The following MBNL3 variants were observed in gnomAD, a reference collection of about 807,000 sequenced individuals.
MBNL3 encodes muscleblind-like protein 3.
Under a neutral mutation model 24.5 loss-of-function variants are expected in MBNL3, and 6 were observed. That is an observed-to-expected ratio of 0.25 (90% CI 0.13 to 0.48). The LOEUF is 0.48. Ranked by LOEUF, MBNL3 falls within the 20% of genes least tolerant of loss-of-function variation. The probability of loss-of-function intolerance (pLI) is 0.99; values close to 1 mark genes in which losing one functional copy is unlikely to be tolerated. For synonymous variants in MBNL3, 100 were observed against 101.7 expected (o/e 0.98, Z 0.10); for missense variants, 230 against 293.5 (o/e 0.78, Z 1.58).
chrX:132,408,390 C>T (rs1253455923), intron 2 of MBNL3, among the ~76,000 whole-genome samples: 1 of 108,965 alleles, frequency 9.2e-6, no homozygotes, highest in Non-Finnish European at 1.9e-5. Flanking sequence ...TTAGCATACA[C>T]AAGCGTGGAA....
chrX:132,467,333 C>T (rs1946940876), intron 1 of MBNL3, among the ~76,000 whole-genome samples: 1 of 111,880 alleles, frequency 8.9e-6, no homozygotes, highest in Admixed American at 9.5e-5. Flanking sequence ...AGTAAAAGCT[C>T]TGGAGAATTA....
At chrX:132,400,034 C>G (rs949745841) in intron 3 of MBNL3, among the ~76,000 whole-genome samples, 1 of 110,071 alleles carries the variant, frequency 9.1e-6, no homozygotes, top group African/African-American at 3.3e-5. Flanking sequence ...ATTTATCTCA[C>G]GGGAATATAT....
intron 1 of MBNL3, among the ~76,000 whole-genome samples, chrX:132,461,414 GA>G (rs1194167266): frequency 1.8e-5 from 2 of 111,466 alleles, no homozygotes; most frequent in Admixed American, 9.6e-5. Context: ...AAGATACCAT[GA>G]GTCAATAACT....
In MBNL3 at chrX:132,377,396, G is replaced by A. The variant is rs1319205777; in HGVS notation, c.*2270C>T. ...GACAACTCTTGATCTCTAATTCCACGCAACATTGTCAACAGCTGACAATGA... is the reference window on the plus strand; with the variant it reads ...GACAACTCTTGATCTCTAATTCCACACAACATTGTCAACAGCTGACAATGA... On this transcript the variant is annotated 3_prime_UTR_variant, in exon 9 of 9. Transcript: ENST00000370853. 8.9e-6 allele frequency: 1 copy of A among 111,744 alleles called. No individual in the cohort carries two copies. The highest frequency in any genetic ancestry group is 3.2e-5 in the African/African-American group (1 of 30,809). 9.2% of individuals were successfully genotyped at this position (111,744 alleles called of 1,213,427 possible).
chrX:132,389,161 A>C (rs1045716926), intron 5 of MBNL3, among the ~76,000 whole-genome samples: 2 of 112,384 alleles, frequency 1.8e-5, no homozygotes, highest in African/African-American at 6.5e-5. Context: ...CATTTAAGAC[A>C]AAAAGAATTT....
At chrX:132,414,105 T>C (rs1215180705) in intron 2 of MBNL3, among the ~76,000 whole-genome samples, 1 of 112,108 alleles carries the variant, frequency 8.9e-6, no homozygotes, top group Non-Finnish European at 1.9e-5. Context: ...GATATCTTTT[T>C]CAGTCAATCC....
chrX:132,449,939 T>C (rs1603256524), intron 1 of MBNL3, among the ~76,000 whole-genome samples: 2 of 106,955 alleles, frequency 1.9e-5, no homozygotes, highest in African/African-American at 6.8e-5. Context: ...TATGAAATTC[T>C]TGGTTGTAAA....
intron 2 of MBNL3, among the ~76,000 whole-genome samples, chrX:132,438,599 T>A (rs1935323681): frequency 9.1e-6 from 1 of 110,312 alleles, no homozygotes; most frequent in Non-Finnish European, 1.9e-5. Flanking sequence ...TATAATTTAT[T>A]GCTTCTATGT....
At position 132,379,253 on chromosome X, in the gene MBNL3, T is replaced by C. The variant is rs1934436317; in HGVS notation, c.*413A>G. ...CATCCTGAATCAACCCAATAGACTA[T>C]CTTGTAAACAAAATAGTAAGGTAAC... On this transcript the variant is annotated 3_prime_UTR_variant, in exon 9 of 9. Coordinates refer to ENST00000370853, the MANE Select transcript of MBNL3 (RefSeq NM_001386889.1). The C allele has an allele frequency of 1.5e-5, 2 of 132,345 alleles. No individual in the cohort carries two copies. Among genetic ancestry groups the C allele is most frequent in the African/African-American group, 6.4e-5 (2 of 31,038 alleles). The allele number at this position is 132,345 out of a possible 1,213,427, so 10.9% of individuals were successfully genotyped here. A position where few individuals can be genotyped will look rare whatever the true frequency, so the allele number is the denominator to read the frequency against.
chrX:132,479,462 A>G lies in MBNL3; in HGVS notation c.-704+9389T>C, dbSNP rs1947613881. On this transcript the variant is annotated intron_variant, in intron 1 of 8. Coordinates refer to ENST00000370853, the MANE Select transcript of MBNL3 (RefSeq NM_001386889.1). Reference sequence around the variant, plus strand: ...AAACTCAAAAATGTTCAAAAATTAAAATCATATTTTGAAATATATATTTTT... The same window carrying G: ...AAACTCAAAAATGTTCAAAAATTAAGATCATATTTTGAAATATATATTTTT... 1.8e-5 allele frequency among the ~76,000 whole-genome samples: 2 copies of G among 112,444 alleles called. 1 individual carries two copies. Among genetic ancestry groups the G allele is most frequent in the South Asian group, 7.3e-4 (2 of 2,749 alleles).
In MBNL3 at chrX:132,408,092, C is replaced by CTTTT. The variant is rs60044820; in HGVS notation, c.178-1704_178-1701dup. Among the ~76,000 whole-genome samples the CTTTT allele has an allele frequency of 1.4e-3, 31 of 22,570 alleles. 5 individuals carry two copies. The highest frequency in any genetic ancestry group is 3.7e-3 in the East Asian group (2 of 540). 19.6% of individuals were successfully genotyped at this position (22,570 alleles called of 115,157 possible). On this transcript the variant is annotated intron_variant, in intron 2 of 8. Transcript: ENST00000370853. The stretch of plus-strand genomic sequence containing the variant: ...CCTGACCTCTCTTCTGAATTTCAGT[C>CTTTT]TTTTTTTTTTTTTTTTTTTTTTTTT...
Position 132,464,855 on chromosome X carries a change from A to C in MBNL3, c.-704+23996T>G, listed in dbSNP as rs757418564. 2.7e-5 allele frequency among the ~76,000 whole-genome samples: 3 copies of C among 111,398 alleles called. No homozygotes were observed. The Admixed American group carries it at 2.9e-4, about 11-fold the overall frequency. On this transcript the variant is annotated intron_variant, in intron 1 of 8. Transcript: ENST00000370853. ...GGAGTTCGAGACCAGCCTGGCCAAC[A>C]TGGTTAAACCCTCATCTCTACTAAA...
intron 2 of MBNL3, among the ~76,000 whole-genome samples, chrX:132,422,026 T>C (rs1943868290): frequency 9.0e-6 from 1 of 111,644 alleles, no homozygotes; most frequent in African/African-American, 3.3e-5. Flanking sequence ...TGTTTATAAA[T>C]GTTTGAGCTA....
chrX:132,392,946 G>T (rs1236131738), intron 3 of MBNL3, among the ~76,000 whole-genome samples: 1 of 111,291 alleles, frequency 9.0e-6, no homozygotes. Context: ...GTTTAGTATG[G>T]TCCATTATAT....
At chrX:132,390,760 T>C (rs768514475) in intron 5 of MBNL3, 87 bp downstream of exon 5, 96 of 747,530 alleles carry the variant, frequency 1.3e-4, no homozygotes, top group Non-Finnish European at 1.8e-4. Flanking sequence ...TGACCATCCA[T>C]GAGTATGGTT....
At chrX:132,405,737 C>T (rs1941680902) in intron 3 of MBNL3, among the ~76,000 whole-genome samples, 1 of 108,254 alleles carries the variant, frequency 9.2e-6, no homozygotes, top group Non-Finnish European at 1.9e-5. Context: ...ATTAGCTGGG[C>T]GTGATGGCGG....
chrX:132,418,963 G>T (rs1943547039), intron 2 of MBNL3, among the ~76,000 whole-genome samples: 1 of 111,868 alleles, frequency 8.9e-6, no homozygotes, highest in Non-Finnish European at 1.9e-5. Flanking sequence ...TTGTAACGAT[G>T]GGGTTTCCCC....
intron 1 of MBNL3, among the ~76,000 whole-genome samples, chrX:132,452,351 C>T (rs1194156311): frequency 1.8e-5 from 2 of 112,361 alleles, no homozygotes; most frequent in Admixed American, 1.9e-4. Context: ...ACTTCCAATC[C>T]TATAATACTC....
At chrX:132,409,810 G>A in intron 2 of MBNL3, among the ~76,000 whole-genome samples, 1 of 111,889 alleles carries the variant, frequency 8.9e-6, no homozygotes, top group Non-Finnish European at 1.9e-5. Context: ...GAAGCGATTA[G>A]AGTGCAAGCT....
Sources: allele counts gnomAD v4.1 joint callset (sites outside exome capture counted in the v4.1 genomes callset), GRCh38; gene constraint gnomAD v4.1.1; transcripts MANE v1.5; gene names NCBI Gene and HGNC (gene_info 2026-07-23, HGNC 2026-07-21).